GNA13: variants seen among roughly 807,000 people sequenced by gnomAD.
The protein encoded by GNA13 is guanine nucleotide-binding protein subunit alpha-13.
GNA13 carries 4 observed loss-of-function variants against 33.5 expected under a neutral mutation model. That is an observed-to-expected ratio of 0.12 (90% CI 0.06 to 0.27). The LOEUF (loss-of-function observed/expected upper bound fraction) is 0.27. Ranked by LOEUF, GNA13 falls within the 10% of genes least tolerant of loss-of-function variation. The pLI is 1.00. For missense variants in GNA13, 319 were observed against 487.2 expected, an observed-to-expected ratio of 0.65 and a Z score of 3.25; for synonymous variants, 176 against 183.8, an observed-to-expected ratio of 0.96 and a Z score of 0.34.
intron 2 of GNA13, among the ~76,000 whole-genome samples, chr17:65,036,355 T>C (rs1035403392): frequency 3.3e-5 from 5 of 152,242 alleles, no homozygotes; most frequent in Admixed American, 3.3e-4. Context: ...GGCAGCTGAG[T>C]ATCAGCCTCG....
chr17:65,039,439 A>G (rs1176297794), intron 2 of GNA13, among the ~76,000 whole-genome samples: 1 of 152,172 alleles, frequency 6.6e-6, no homozygotes, highest in Non-Finnish European at 1.5e-5. Context: ...ACTTCTCAAC[A>G]TGGGCTACAA....
chr17:65,055,476 T>TTAC, intron 1 of GNA13: 1 of 296,246 alleles, frequency 3.4e-6, no homozygotes, highest in Non-Finnish European at 5.0e-6. Context: ...GCCAGTCTTC[T>TTAC]TACTACTACA....
chr17:65,051,499 C>T (rs1289177933), intron 2 of GNA13, among the ~76,000 whole-genome samples: 1 of 152,108 alleles, frequency 6.6e-6, no homozygotes, highest in Non-Finnish European at 1.5e-5. Flanking sequence ...CCTGTAATCT[C>T]AGCTACTTGG....
chr17:65,033,767 C>CT (rs1326500170), intron 2 of GNA13, among the ~76,000 whole-genome samples: 1 of 152,024 alleles, frequency 6.6e-6, no homozygotes, highest in East Asian at 1.9e-4. Context: ...GTGATCCCAA[C>CT]ACTTTGGGAG....
At chr17:65,054,253 C>A (rs905206527) in intron 1 of GNA13, among the ~76,000 whole-genome samples, 2 of 152,322 alleles carry the variant, frequency 1.3e-5, no homozygotes, top group African/African-American at 4.8e-5. Flanking sequence ...CTTCTTCCAG[C>A]CCAAGTTTCA....
intron 2 of GNA13, among the ~76,000 whole-genome samples, chr17:65,039,745 T>C (rs560677355): frequency 6.6e-6 from 1 of 152,390 alleles, no homozygotes; most frequent in African/African-American, 2.4e-5. Flanking sequence ...ATATTTCATG[T>C]AGATTACTCT....
chr17:65,018,138 A>AGTG, intron 3 of GNA13, 115 bp downstream of exon 3: 1 of 69,764 alleles, frequency 1.4e-5, no homozygotes. Context: ...AAAAAAAAAA[A>AGTG]AGAGAGAAAG....
chr17:65,053,030 AC>A lies in GNA13; in HGVS notation c.510+471del, dbSNP rs1598503260. 6 of 158,730 alleles carry A rather than the reference AC, an allele frequency of 3.8e-5. No homozygotes were observed. In the East Asian group the frequency reaches 9.3e-4, roughly 25 times the overall value. 9.8% of individuals were successfully genotyped at this position (158,730 alleles called of 1,614,324 possible). ...CAACAGAGACTCCGTCTCAAAACAA[AC>A]CCCCCAAAAACAAAAAAACAAATTT... On this transcript the variant is annotated intron_variant, in intron 2 of 3. Transcript: ENST00000439174.
chr17:65,017,391 T>C (rs1173906069), intron 3 of GNA13, among the ~76,000 whole-genome samples: 3 of 152,158 alleles, frequency 2.0e-5, no homozygotes, highest in Admixed American at 6.5e-5. Context: ...GACACACACA[T>C]ACTAGCTGTG....
intron 2 of GNA13, among the ~76,000 whole-genome samples, chr17:65,024,814 ATC>A (rs1019031697): frequency 6.6e-6 from 1 of 152,222 alleles, no homozygotes; most frequent in African/African-American, 2.4e-5. Flanking sequence ...ATTACACAAA[ATC>A]TGTTTTTAAA....
chr17:65,040,116 C>T (rs1030145353), intron 2 of GNA13, among the ~76,000 whole-genome samples: 2 of 151,748 alleles, frequency 1.3e-5, no homozygotes, highest in African/African-American at 4.8e-5. Context: ...CACAGTAAGG[C>T]CAACTGTGCA....
intron 2 of GNA13, among the ~76,000 whole-genome samples, chr17:65,037,645 T>C (rs1310298175): frequency 6.6e-6 from 1 of 151,834 alleles, no homozygotes; most frequent in Non-Finnish European, 1.5e-5. Flanking sequence ...AAGACTCTAC[T>C]GTCAGACTGA....
rs1906254592 is a variant in GNA13 at position 65,013,297 on chromosome 17, G to C, written c.*960C>G. The stretch of plus-strand genomic sequence containing the variant: ...GATGGGACTGGACAGGACAGCAAAA[G>C]ATAGATGTTTGTGATGATACAACAA... On this transcript the variant is annotated 3_prime_UTR_variant, in exon 4 of 4. Transcript: ENST00000439174. The C allele has an allele frequency of 4.8e-6, 1 of 209,106 alleles. No homozygotes were observed. The highest frequency in any genetic ancestry group is 2.3e-5 in the African/African-American group (1 of 44,024). The allele number at this position is 209,106 out of a possible 1,614,324, so 13.0% of individuals were successfully genotyped here. A position where few individuals can be genotyped will look rare whatever the true frequency, so the allele number is the denominator to read the frequency against.
intron 2 of GNA13, among the ~76,000 whole-genome samples, chr17:65,031,866 T>TAGAGAG (rs138789425): frequency 1.9e-5 from 2 of 106,356 alleles, no homozygotes; most frequent in African/African-American, 8.0e-5. Context: ...CCGGACAACA[T>TAGAGAG]AGAGAGAGAG....
intron 2 of GNA13, among the ~76,000 whole-genome samples, chr17:65,050,956 C>G (rs189932291): frequency 3.9e-5 from 6 of 152,280 alleles, no homozygotes; most frequent in African/African-American, 1.2e-4. Flanking sequence ...AGGTCCTCAT[C>G]CTGAGTGGTT....
intron 2 of GNA13, among the ~76,000 whole-genome samples, chr17:65,043,838 C>T (rs541429268): frequency 3.9e-5 from 6 of 152,240 alleles, no homozygotes; most frequent in Admixed American, 6.5e-5. Context: ...AAAATCCTTT[C>T]GAGGCTGGGC....
At chr17:65,023,393 C>T (rs1906659082) in intron 2 of GNA13, among the ~76,000 whole-genome samples, 1 of 152,206 alleles carries the variant, frequency 6.6e-6, no homozygotes, top group Non-Finnish European at 1.5e-5. Context: ...AGTTCGATGT[C>T]TTAGCAGCGC....
chr17:65,044,974 T>A (rs1232559575), intron 2 of GNA13, among the ~76,000 whole-genome samples: 10 of 140,404 alleles, frequency 7.1e-5, no homozygotes, highest in Non-Finnish European at 1.2e-4. Flanking sequence ...GCCTGGGAGG[T>A]GGAGGTTTCA....
intron 2 of GNA13, among the ~76,000 whole-genome samples, chr17:65,034,926 C>T (rs779393613): frequency 6.6e-6 from 1 of 152,156 alleles, no homozygotes; most frequent in Non-Finnish European, 1.5e-5. Flanking sequence ...CCTGGGATTA[C>T]AGGCATGTAA....
Sources: gnomAD v4.1 joint callset for allele counts (sites outside exome capture counted in the v4.1 genomes callset) on GRCh38, gnomAD v4.1.1 for gene constraint, MANE v1.5 for transcripts, NCBI Gene and HGNC (gene_info 2026-07-23, HGNC 2026-07-21) for gene names.